The following KDM2A variants were observed in gnomAD, a reference collection of about 807,000 sequenced individuals.
The protein encoded by KDM2A is lysine demethylase 2A.
In KDM2A, 3 loss-of-function variants were observed where a neutral mutation model predicts 137.3. The observed-to-expected ratio is 0.02, with a 90% CI of 0.01 to 0.06. The LOEUF (loss-of-function observed/expected upper bound fraction) is 0.06. Among genes scored for constraint, KDM2A ranks in the 10% least tolerant of loss-of-function variants. The pLI, the probability that KDM2A is intolerant of heterozygous loss-of-function variation, is 1.00. For synonymous variants in KDM2A, 512 were observed against 541.5 expected (o/e 0.95, Z 0.76); for missense variants, 738 against 1,510.6 (o/e 0.49, Z 8.48).
intron 13 of KDM2A, among the ~76,000 whole-genome samples, chr11:67,244,796 T>C (rs1859154477): frequency 1.3e-5 from 2 of 151,934 alleles, no homozygotes; most frequent in Admixed American, 1.3e-4. Context: ...CCATCCTGGC[T>C]AACATGGTGA....
At chr11:67,149,775 C>G (rs1246152725) in intron 2 of KDM2A, among the ~76,000 whole-genome samples, 1 of 146,178 alleles carries the variant, frequency 6.8e-6, no homozygotes, top group Non-Finnish European at 1.5e-5. Flanking sequence ...GGCTGGAGTG[C>G]GATGATACGA....
intron 17 of KDM2A, among the ~76,000 whole-genome samples, chr11:67,251,429 T>A (rs1258470304): frequency 1.3e-5 from 2 of 152,188 alleles, no homozygotes; most frequent in Non-Finnish European, 2.9e-5. Context: ...GGGAAAAAAT[T>A]GCTAGTGATG....
intron 2 of KDM2A, among the ~76,000 whole-genome samples, chr11:67,143,676 A>G (rs1361464714): frequency 6.6e-6 from 1 of 151,860 alleles, no homozygotes; most frequent in African/African-American, 2.4e-5. Context: ...TCCATCTCCC[A>G]GGCTGGAGTG....
At chr11:67,238,914 G>T (rs1366483279) in intron 12 of KDM2A, among the ~76,000 whole-genome samples, 1 of 152,230 alleles carries the variant, frequency 6.6e-6, no homozygotes, top group African/African-American at 2.4e-5. Context: ...AACTCAACCA[G>T]AGTGTGCACC....
intron 2 of KDM2A, among the ~76,000 whole-genome samples, chr11:67,173,151 A>C (rs1372207783): frequency 6.6e-6 from 1 of 151,830 alleles, no homozygotes; most frequent in Non-Finnish European, 1.5e-5. Context: ...TTTGAAACAG[A>C]GTTTCTTGTT....
rs35825424 is a variant in KDM2A at position 67,185,637 on chromosome 11, CAAAA to C, written c.307+3757_307+3760del. On this transcript the variant is annotated intron_variant, in intron 5 of 20. Coordinates refer to ENST00000529006, the MANE Select transcript of KDM2A (RefSeq NM_012308.3). ...CTTGGTGACGAGCGAAACTCTGTCG[CAAAA>C]AAAAAAAAAAAGTTATCCCTTCCAA... Among the ~76,000 whole-genome samples, 6 of 102,682 alleles carry C rather than the reference CAAAA, an allele frequency of 5.8e-5. No individual in the cohort carries two copies. In the South Asian group the frequency reaches 1.6e-3, roughly 27 times the overall value. 67.4% of individuals were successfully genotyped at this position (102,682 alleles called of 152,430 possible). A position where few individuals can be genotyped will look rare whatever the true frequency, so the allele number is the denominator to read the frequency against.
intron 2 of KDM2A, among the ~76,000 whole-genome samples, chr11:67,163,723 G>T (rs889833648): frequency 3.3e-5 from 5 of 152,066 alleles, no homozygotes; most frequent in African/African-American, 1.2e-4. Context: ...GGGCGTGGTG[G>T]TGCGTACCTG....
At chr11:67,230,287 C>G (rs2136423687) in intron 11 of KDM2A, among the ~76,000 whole-genome samples, 1 of 152,162 alleles carries the variant, frequency 6.6e-6, no homozygotes, top group South Asian at 2.1e-4. Context: ...GAGTTCAAGA[C>G]CAGCTTAGGC....
intron 2 of KDM2A, among the ~76,000 whole-genome samples, chr11:67,177,603 G>A (rs1407756687): frequency 6.6e-6 from 1 of 151,916 alleles, no homozygotes; most frequent in African/African-American, 2.4e-5. Flanking sequence ...AAGATCTTCA[G>A]GCACAGTAAC....
chr11:67,180,028 G>A (rs1289125257), intron 2 of KDM2A, 51 bp from the exon 3 acceptor site: 24 of 1,569,546 alleles, frequency 1.5e-5, no homozygotes, highest in Non-Finnish European at 1.4e-5. Context: ...CCACTTGTAG[G>A]TAGGCATGAA....
At chr11:67,238,555 G>A (rs1055390400) in intron 12 of KDM2A, among the ~76,000 whole-genome samples, 7 of 152,108 alleles carry the variant, frequency 4.6e-5, no homozygotes, top group African/African-American at 1.7e-4. Flanking sequence ...ATTTCCAGGA[G>A]AAGCTCAGCC....
rs1565421851 is a variant in KDM2A at position 67,243,063 on chromosome 11, C to T, written c.1534C>T (p.Pro512Ser). 6.2e-7 allele frequency: 1 copy of T among 1,613,350 alleles called. No homozygotes were observed. Among genetic ancestry groups the T allele is most frequent in the East Asian group, 2.2e-5 (1 of 44,878 alleles). Residue 512 changes from proline to serine, a missense_variant, in exon 13 of 21, where the codon CCT (proline) becomes TCT (serine). Coordinates refer to ENST00000529006, the MANE Select transcript of KDM2A (RefSeq NM_012308.3). ...TCCCAAGTTAGCCCTCACTGGAGTT[C>T]CTATAGTACAGTGGCCAAAAAGGGA... Reference protein sequence around the residue: ...SDPKLALTGVPIVQWPKRDKL... With the variant: ...SDPKLALTGVSIVQWPKRDKL...
intron 5 of KDM2A, among the ~76,000 whole-genome samples, chr11:67,206,300 A>G (rs2136379243): frequency 6.6e-6 from 1 of 152,338 alleles, no homozygotes; most frequent in African/African-American, 2.4e-5. Flanking sequence ...GCGTGGTGGC[A>G]CACGGCCATA....
chr11:67,256,511 A>G lies in KDM2A; in HGVS notation c.*1456A>G, dbSNP rs538025850. The G allele has an allele frequency of 6.6e-6, 1 of 152,276 alleles. No individual in the cohort carries two copies. Among genetic ancestry groups the G allele is most frequent in the East Asian group, 1.9e-4 (1 of 5,158 alleles). 9.4% of individuals were successfully genotyped at this position (152,276 alleles called of 1,614,324 possible). On this transcript the variant is annotated 3_prime_UTR_variant, in exon 21 of 21. Transcript: ENST00000529006. ...CCTCTGTAAGGATACTGATAGCACA[A>G]CCTCTTCCCCCCACCCCGCCCCGCC... is the stretch of plus-strand genomic sequence containing the variant.
At chr11:67,243,276 G>C (rs1405634172) in intron 13 of KDM2A, among the ~76,000 whole-genome samples, 184 bp downstream of exon 13, 2 of 152,154 alleles carry the variant, frequency 1.3e-5, no homozygotes, top group African/African-American at 4.8e-5. Context: ...TATCTTTGGA[G>C]GTGACCTCTC....
At chr11:67,163,175 C>G (rs182639793) in intron 2 of KDM2A, among the ~76,000 whole-genome samples, 5 of 152,284 alleles carry the variant, frequency 3.3e-5, no homozygotes, top group Admixed American at 2.0e-4. Flanking sequence ...GCTACACTTT[C>G]GTATTTATGT....
intron 5 of KDM2A, among the ~76,000 whole-genome samples, chr11:67,194,185 T>A (rs1220940537): frequency 6.6e-6 from 1 of 152,212 alleles, no homozygotes; most frequent in Non-Finnish European, 1.5e-5. Context: ...CCATTTCTGT[T>A]CTCTTTGTGT....
At chr11:67,221,866 TC>T (rs1317473845) in intron 10 of KDM2A, among the ~76,000 whole-genome samples, 1 of 151,728 alleles carries the variant, frequency 6.6e-6, no homozygotes, top group Admixed American at 6.6e-5. Context: ...ACCTAGGAGT[TC>T]CAGGTTGCAG....
intron 2 of KDM2A, among the ~76,000 whole-genome samples, chr11:67,151,458 G>A (rs1856386914): frequency 6.6e-6 from 1 of 151,894 alleles, no homozygotes; most frequent in African/African-American, 2.4e-5. Context: ...TCTGCTCGCT[G>A]CACCTTCCGC....
Sources: allele counts gnomAD v4.1 joint callset (sites outside exome capture counted in the v4.1 genomes callset), GRCh38; gene constraint gnomAD v4.1.1; transcripts MANE v1.5; gene names NCBI Gene and HGNC (gene_info 2026-07-23, HGNC 2026-07-21).